The following GALNT17 variants were observed in gnomAD, a reference collection of about 807,000 sequenced individuals.
GALNT17 encodes the protein UDP-GalNAc:polypeptide N-acetylgalactosaminyltransferase-like 3.
In GALNT17, 29 loss-of-function variants were observed where a neutral mutation model predicts 63.7. That is an observed-to-expected ratio of 0.46 (90% CI 0.34 to 0.62). The LOEUF (loss-of-function observed/expected upper bound fraction) is 0.62. Among genes scored for constraint, GALNT17 ranks in the 20% least tolerant of loss-of-function variants. GALNT17 has a pLI of 0.01. For missense variants in GALNT17, 603 were observed against 799.6 expected, an observed-to-expected ratio of 0.75 and a Z score of 2.97; for synonymous variants, 305 against 318.3, an observed-to-expected ratio of 0.96 and a Z score of 0.45.
chr7:71,432,570 G>A (rs1037925072), intron 5 of GALNT17, among the ~76,000 whole-genome samples: 4 of 152,190 alleles, frequency 2.6e-5, no homozygotes, highest in African/African-American at 9.7e-5. Flanking sequence ...ATTGTGCGGG[G>A]TTTAGACAAC....
intron 1 of GALNT17, among the ~76,000 whole-genome samples, chr7:71,228,269 G>A (rs771538960): frequency 2.6e-5 from 4 of 152,226 alleles, no homozygotes; most frequent in South Asian, 2.1e-4. Flanking sequence ...CCCAGCAAAC[G>A]TTAAGTCTAT....
intron 1 of GALNT17, among the ~76,000 whole-genome samples, chr7:71,192,779 G>A (rs190019333): frequency 7.9e-5 from 12 of 152,220 alleles, no homozygotes; most frequent in South Asian, 2.1e-4. Flanking sequence ...TGAGAGTTCC[G>A]GTGGTGCCTC....
intron 1 of GALNT17, among the ~76,000 whole-genome samples, chr7:71,271,289 G>GA (rs1237311708): frequency 1.2e-4 from 18 of 152,200 alleles, no homozygotes; most frequent in Non-Finnish European, 7.3e-5. Context: ...TCCAGTGCAA[G>GA]AAATGATCAT....
chr7:71,174,165 T>G (rs1317139621), intron 1 of GALNT17, among the ~76,000 whole-genome samples: 9 of 152,002 alleles, frequency 5.9e-5, no homozygotes, highest in Non-Finnish European at 1.3e-4. Flanking sequence ...CCTCTCAGAG[T>G]GCTACTGTGG....
At chr7:71,154,912 A>G (rs1438956990) in intron 1 of GALNT17, among the ~76,000 whole-genome samples, 1 of 151,874 alleles carries the variant, frequency 6.6e-6, no homozygotes, top group African/African-American at 2.4e-5. Context: ...TTCTTAAAGT[A>G]TCCAGCACCG....
At chr7:71,274,133 G>T (rs1790642355) in intron 1 of GALNT17, among the ~76,000 whole-genome samples, 1 of 152,180 alleles carries the variant, frequency 6.6e-6, no homozygotes, top group South Asian at 2.1e-4. Context: ...TGTTTCCCTG[G>T]TGTACATATT....
At chr7:71,453,138 A>T (rs114232688) in intron 5 of GALNT17, among the ~76,000 whole-genome samples, 271 of 151,114 alleles carry the variant, frequency 1.8e-3, no homozygotes, top group African/African-American at 6.1e-3. Context: ...GTAAATAAAC[A>T]TTTTTTTTTG....
chr7:71,509,120 T>C (rs536527456), intron 5 of GALNT17, among the ~76,000 whole-genome samples: 13 of 152,364 alleles, frequency 8.5e-5, no homozygotes, highest in African/African-American at 2.6e-4. Context: ...GTAGAATCCG[T>C]ACTTCGAGTA....
chr7:71,565,660 G>A (rs895307093), intron 5 of GALNT17, among the ~76,000 whole-genome samples: 7 of 152,000 alleles, frequency 4.6e-5, no homozygotes, highest in African/African-American at 1.7e-4. Context: ...GAAATACCAT[G>A]AGAAATGACA....
rs561216539 is a variant in GALNT17 at position 71,617,225 on chromosome 7, A to G, written c.1080+45823A>G. Among the ~76,000 whole-genome samples the G allele has an allele frequency of 2.3e-4, 35 of 149,766 alleles. 1 individual carries two copies. The South Asian group carries it at 7.4e-3, about 32-fold the overall frequency. ...TTGTTACATGGGAATATTGCATGAT[A>G]CTGAGGTTGGAGTATGGATTCCATC... On this transcript the variant is annotated intron_variant, in intron 6 of 10. Transcript: ENST00000333538.
intron 6 of GALNT17, among the ~76,000 whole-genome samples, chr7:71,637,647 C>T (rs1357980966): frequency 2.6e-5 from 4 of 152,056 alleles, no homozygotes; most frequent in African/African-American, 9.7e-5. Context: ...AGGGGCTTGC[C>T]AGGGAGGGTG....
intron 1 of GALNT17, among the ~76,000 whole-genome samples, chr7:71,160,545 G>A (rs1421704402): frequency 6.6e-6 from 1 of 152,044 alleles, no homozygotes; most frequent in African/African-American, 2.4e-5. Context: ...AGCAAACTCT[G>A]CCTCCTGGGT....
At chr7:71,443,114 C>G (rs1349016547) in intron 5 of GALNT17, among the ~76,000 whole-genome samples, 1 of 152,178 alleles carries the variant, frequency 6.6e-6, no homozygotes, top group East Asian at 1.9e-4. Context: ...TGGACAGGGT[C>G]TGAGAATGAC....
At chr7:71,683,470 A>G (rs541477176) in intron 9 of GALNT17, among the ~76,000 whole-genome samples, 198 of 152,344 alleles carry the variant, frequency 1.3e-3, no homozygotes, top group African/African-American at 4.6e-3. Flanking sequence ...CTCCACGGAC[A>G]TCGCTAGCTT....
At chr7:71,360,573 T>C (rs1792379277) in intron 2 of GALNT17, among the ~76,000 whole-genome samples, 2 of 152,214 alleles carry the variant, frequency 1.3e-5, no homozygotes, top group South Asian at 2.1e-4. Context: ...ATTTCAGATA[T>C]CACATTGCCA....
intron 1 of GALNT17, among the ~76,000 whole-genome samples, chr7:71,164,430 C>A (rs952156030): frequency 6.6e-6 from 1 of 152,194 alleles, no homozygotes; most frequent in South Asian, 2.1e-4. Context: ...GAGAAGTCCA[C>A]CCCCATGATC....
intron 6 of GALNT17, among the ~76,000 whole-genome samples, chr7:71,649,894 TAG>T (rs1790731583): frequency 6.6e-6 from 1 of 152,168 alleles, no homozygotes; most frequent in Non-Finnish European, 1.5e-5. Context: ...TCCTGAGTAA[TAG>T]AGAAGAGTTC....
chr7:71,266,231 A>G (rs1790489925), intron 1 of GALNT17, among the ~76,000 whole-genome samples: 1 of 151,920 alleles, frequency 6.6e-6, no homozygotes, highest in Non-Finnish European at 1.5e-5. Context: ...GCCTTAATTT[A>G]CTCACATCTG....
At chr7:71,410,928 A>G (rs889205276) in intron 3 of GALNT17, among the ~76,000 whole-genome samples, 5 of 152,130 alleles carry the variant, frequency 3.3e-5, no homozygotes, top group Admixed American at 2.6e-4. Flanking sequence ...CCAATTTTGT[A>G]TTGGATTTTA....
Sources: allele counts gnomAD v4.1 joint callset (sites outside exome capture counted in the v4.1 genomes callset), GRCh38; gene constraint gnomAD v4.1.1; transcripts MANE v1.5; gene names NCBI Gene and HGNC (gene_info 2026-07-23, HGNC 2026-07-21).